Variants in NAALADL2 observed in about 807,000 individuals in gnomAD.
NAALADL2 encodes N-acetylated alpha-linked acidic dipeptidase like 2.
NAALADL2 carries 76 observed loss-of-function variants against 87.2 expected under a neutral mutation model. The ratio of observed to expected loss-of-function variants is 0.87; its 90% CI spans 0.72 to 1.05. NAALADL2 has a LOEUF of 1.05. Ranked by LOEUF, NAALADL2 falls within the 50% of genes least tolerant of loss-of-function variation. The pLI, the probability that NAALADL2 is intolerant of heterozygous loss-of-function variation, is 0.00. For missense variants in NAALADL2, 1,089 were observed against 945.8 expected (o/e 1.15, Z -1.99); for synonymous variants, 354 against 331.0 (o/e 1.07, Z -0.75).
At chr3:174,639,391 A>T (rs1722955429) in intron 2 of NAALADL2, among the ~76,000 whole-genome samples, 1 of 152,218 alleles carries the variant, frequency 6.6e-6, no homozygotes. Flanking sequence ...GTTTGGCACC[A>T]GGTGGCTAGA....
intron 5 of NAALADL2, among the ~76,000 whole-genome samples, chr3:175,420,920 A>T (rs1282703122): frequency 1.3e-5 from 2 of 152,054 alleles, no homozygotes; most frequent in Non-Finnish European, 2.9e-5. Context: ...CCACATAAAA[A>T]AGTGATTCAA....
At chr3:175,649,877 C>T (rs945274508) in intron 11 of NAALADL2, among the ~76,000 whole-genome samples, 1 of 151,928 alleles carries the variant, frequency 6.6e-6, no homozygotes, top group Non-Finnish European at 1.5e-5. Flanking sequence ...CTATTCATAT[C>T]AACACATGAG....
At chr3:174,842,767 C>T (rs1377581257) in intron 3 of NAALADL2, among the ~76,000 whole-genome samples, 1 of 151,866 alleles carries the variant, frequency 6.6e-6, no homozygotes, top group Non-Finnish European at 1.5e-5. Context: ...GAAAACTTAC[C>T]TACACACCTG....
At chr3:174,810,567 G>T (rs1720058748) in intron 3 of NAALADL2, among the ~76,000 whole-genome samples, 1 of 150,050 alleles carries the variant, frequency 6.7e-6, no homozygotes, top group African/African-American at 2.5e-5. Context: ...ATGTAGCTTG[G>T]CTGCTTCTAA....
chr3:175,399,380 T>A (rs749307256), intron 5 of NAALADL2, among the ~76,000 whole-genome samples: 7 of 152,064 alleles, frequency 4.6e-5, no homozygotes, highest in Non-Finnish European at 7.4e-5. Flanking sequence ...AGTCCCAGCC[T>A]CATTTGTGCC....
At chr3:174,824,494 GAT>G (rs1185729681) in intron 3 of NAALADL2, among the ~76,000 whole-genome samples, 2 of 152,066 alleles carry the variant, frequency 1.3e-5, no homozygotes, top group African/African-American at 4.8e-5. Context: ...TATACCAGAG[GAT>G]ATGACTGGTT....
chr3:175,100,856 A>AAG (rs1560027173), intron 2 of NAALADL2, among the ~76,000 whole-genome samples: 11 of 151,436 alleles, frequency 7.3e-5, no homozygotes, highest in African/African-American at 2.7e-4. Context: ...AAAAAAAAAA[A>AAG]AAAAATTGCA....
At chr3:175,031,241 T>C (rs1319720363) in intron 1 of NAALADL2, among the ~76,000 whole-genome samples, 1 of 152,008 alleles carries the variant, frequency 6.6e-6, no homozygotes, top group Non-Finnish European at 1.5e-5. Context: ...CCAGGTAGCC[T>C]GGTACCCAAT....
At chr3:174,527,250 G>A (rs949271307) in intron 1 of NAALADL2, among the ~76,000 whole-genome samples, 2 of 152,142 alleles carry the variant, frequency 1.3e-5, no homozygotes, top group Non-Finnish European at 2.9e-5. Context: ...GCTGGGCGCA[G>A]TGGGTCAGGC....
chr3:175,558,626 C>T (rs956662384), intron 9 of NAALADL2, among the ~76,000 whole-genome samples: 6 of 152,142 alleles, frequency 3.9e-5, no homozygotes, highest in Admixed American at 6.5e-5. Flanking sequence ...GGTCTAGTTT[C>T]ATTCTTTTGC....
chr3:175,485,488 T>C (rs973260096), intron 9 of NAALADL2, among the ~76,000 whole-genome samples: 2 of 151,948 alleles, frequency 1.3e-5, no homozygotes, highest in African/African-American at 4.8e-5. Context: ...ACCTCAAAAG[T>C]AGGGGAGCTA....
chr3:175,055,262 C>G (rs1711891169), intron 1 of NAALADL2, among the ~76,000 whole-genome samples: 1 of 152,184 alleles, frequency 6.6e-6, no homozygotes, highest in Non-Finnish European at 1.5e-5. Context: ...GCTATACGCT[C>G]TCCTGGCCCT....
chr3:175,230,820 G>A (rs1371365120), intron 2 of NAALADL2, among the ~76,000 whole-genome samples: 1 of 151,964 alleles, frequency 6.6e-6, no homozygotes, highest in Non-Finnish European at 1.5e-5. Flanking sequence ...ATAAAAAGAT[G>A]GCAAGAGTGT....
intron 1 of NAALADL2, among the ~76,000 whole-genome samples, chr3:174,950,287 A>C (rs988812476): frequency 5.3e-5 from 8 of 152,076 alleles, no homozygotes; most frequent in African/African-American, 1.9e-4. Context: ...GGGAATCTGC[A>C]TCTCTGAAGA....
chr3:174,948,566 C>T (rs764462515), intron 1 of NAALADL2, among the ~76,000 whole-genome samples: 1 of 152,180 alleles, frequency 6.6e-6, no homozygotes, highest in Non-Finnish European at 1.5e-5. Context: ...TACTACTTAA[C>T]CAATCTTCCT....
In NAALADL2 at chr3:175,415,155, C is replaced by G. The variant is rs539379181; in HGVS notation, c.1091-32074C>G. 7.2e-5 allele frequency among the ~76,000 whole-genome samples: 11 copies of G among 152,236 alleles called. No homozygotes were observed. The South Asian group carries it at 2.1e-3, about 29-fold the overall frequency. On this transcript the variant is annotated intron_variant, in intron 5 of 13. Coordinates refer to ENST00000454872, the MANE Select transcript of NAALADL2 (RefSeq NM_207015.3). ...TAAAATAAAAAGAAATAGCATACCACATACTGTGTGTGTGTTCATATAATT... is the reference window on the plus strand; with the variant it reads ...TAAAATAAAAAGAAATAGCATACCAGATACTGTGTGTGTGTTCATATAATT...
intron 5 of NAALADL2, among the ~76,000 whole-genome samples, chr3:175,416,959 T>G (rs1714746887): frequency 6.6e-6 from 1 of 151,748 alleles, no homozygotes; most frequent in African/African-American, 2.4e-5. Flanking sequence ...AATTAAAAAA[T>G]GTAATATTGA....
intron 2 of NAALADL2, among the ~76,000 whole-genome samples, chr3:174,583,067 T>A (rs1716345038): frequency 6.6e-6 from 1 of 152,216 alleles, no homozygotes; most frequent in Admixed American, 6.5e-5. Context: ...TTGCCTTTTT[T>A]ATTGCCACCT....
chr3:175,166,161 G>T (rs1434607580), intron 2 of NAALADL2, among the ~76,000 whole-genome samples: 1 of 151,304 alleles, frequency 6.6e-6, no homozygotes, highest in Non-Finnish European at 1.5e-5. Context: ...ATTACCTTCA[G>T]AATCATGCCT....
Sources: gnomAD v4.1 joint callset for allele counts (sites outside exome capture counted in the v4.1 genomes callset) on GRCh38, gnomAD v4.1.1 for gene constraint, MANE v1.5 for transcripts, NCBI Gene and HGNC (gene_info 2026-07-23, HGNC 2026-07-21) for gene names.